The following DCDC2C variants were observed in gnomAD, a reference collection of about 807,000 sequenced individuals.
The protein encoded by DCDC2C is doublecortin domain containing 2C.
In DCDC2C, 44 loss-of-function variants were observed where a neutral mutation model predicts 45.0. That is an observed-to-expected ratio of 0.98 (90% confidence interval 0.77 to 1.26). The LOEUF is 1.26. Ranked by LOEUF, DCDC2C falls within the 50% of genes most tolerant of loss-of-function variation. The probability of loss-of-function intolerance (pLI) is 0.00; values close to 1 mark genes in which losing one functional copy is unlikely to be tolerated. For missense variants in DCDC2C, 447 were observed against 468.9 expected (o/e 0.95, Z 0.43); for synonymous variants, 187 against 178.8 (o/e 1.05, Z -0.37).
chr2:3,823,684 G>A (rs1326220154), intron 10 of DCDC2C, among the ~76,000 whole-genome samples: 4 of 151,994 alleles, frequency 2.6e-5, no homozygotes, highest in Middle Eastern at 3.4e-3. Flanking sequence ...TGTGTTGATA[G>A]TTTTTTTTCT....
chr2:3,816,671 G>A (rs1671566201), intron 10 of DCDC2C, among the ~76,000 whole-genome samples: 3 of 152,324 alleles, frequency 2.0e-5, no homozygotes, highest in South Asian at 2.1e-4. Context: ...GTATTGGAGT[G>A]TGCCCTGTCA....
At chr2:3,740,732 T>C (rs919107423) in intron 3 of DCDC2C, among the ~76,000 whole-genome samples, 1 of 152,228 alleles carries the variant, frequency 6.6e-6, no homozygotes, top group Non-Finnish European at 1.5e-5. Context: ...GAAGTTGGAC[T>C]CTGGGTTGAT....
chr2:3,771,800 G>A (rs780254861), intron 8 of DCDC2C, among the ~76,000 whole-genome samples: 9 of 152,350 alleles, frequency 5.9e-5, no homozygotes, highest in East Asian at 5.8e-4. Context: ...CGCCTGGCCC[G>A]TGCTGCCTGC....
At chr2:3,829,277 T>C (rs1671898236) in intron 10 of DCDC2C, among the ~76,000 whole-genome samples, 1 of 126,208 alleles carries the variant, frequency 7.9e-6, no homozygotes, top group Non-Finnish European at 1.7e-5. Flanking sequence ...TCATTAGATG[T>C]CTTTTTCTTT....
At chr2:3,749,761 C>T (rs1417157354) in intron 4 of DCDC2C, among the ~76,000 whole-genome samples, 2 of 152,312 alleles carry the variant, frequency 1.3e-5, no homozygotes, top group South Asian at 2.1e-4. Flanking sequence ...CCAAGTCCTG[C>T]GCTGAGCTAT....
chr2:3,773,531 T>G (rs565787709), intron 8 of DCDC2C, among the ~76,000 whole-genome samples: 1 of 152,320 alleles, frequency 6.6e-6, no homozygotes, highest in East Asian at 1.9e-4. Flanking sequence ...AAGGAATAAT[T>G]TTCTTACAAT....
chr2:3,765,404 A>G (rs1021051598), intron 6 of DCDC2C, among the ~76,000 whole-genome samples: 3 of 152,202 alleles, frequency 2.0e-5, no homozygotes, highest in Admixed American at 6.5e-5. Flanking sequence ...TTGGAGGATG[A>G]GCTGTCATAA....
chr2:3,771,363 C>T (rs1265412020), intron 8 of DCDC2C, among the ~76,000 whole-genome samples: 2 of 152,192 alleles, frequency 1.3e-5, no homozygotes, highest in Admixed American at 6.5e-5. Context: ...ACTTAATCAA[C>T]AGAGGCAAGG....
chr2:3,726,770 CG>C (rs1354200903), intron 2 of DCDC2C, among the ~76,000 whole-genome samples: 2 of 152,154 alleles, frequency 1.3e-5, no homozygotes, highest in Non-Finnish European at 2.9e-5. Flanking sequence ...CCATGTGCAG[CG>C]CAGAGCCCTC....
chr2:3,769,277 G>T, intron 7 of DCDC2C, 34 bp from the exon 8 acceptor site: 3 of 1,538,890 alleles, frequency 1.9e-6, no homozygotes, highest in Non-Finnish European at 2.6e-6. Flanking sequence ...TTCTCCATGG[G>T]TTTCAAAAGT....
chr2:3,707,226 A>G (rs570438476), intron 1 of DCDC2C, among the ~76,000 whole-genome samples: 1 of 152,306 alleles, frequency 6.6e-6, no homozygotes, highest in South Asian at 2.1e-4. Flanking sequence ...TTGGGAGTGC[A>G]ACATTGAAAT....
At chr2:3,775,680 A>G (rs111755743) in intron 8 of DCDC2C, among the ~76,000 whole-genome samples, 6 of 20,168 alleles carry the variant, frequency 3.0e-4, no homozygotes, top group African/African-American at 6.6e-4. Context: ...TGTGGCTCTG[A>G]GCTAGGCAGC....
chr2:3,703,584 C>A lies in DCDC2C; in HGVS notation c.-168C>A, dbSNP rs1294207494. On this transcript the variant is annotated 5_prime_UTR_variant, in exon 1 of 11. Transcript: ENST00000399143. This position sits in a 1 kb window ranked among gnomAD's most constrained non-coding sequence, Gnocchi z 4.4. The stretch of plus-strand genomic sequence containing the variant: ...CCTCCGCCCGCCTGGCAGCCCCGTC[C>A]CGTCCCCGTCCAGCCCCCGTCCCGT... 3.1e-6 allele frequency: 2 copies of A among 637,802 alleles called. No homozygotes were observed. The highest frequency in any genetic ancestry group is 4.3e-6 in the Non-Finnish European group (2 of 463,466). 39.5% of individuals were successfully genotyped at this position (637,802 alleles called of 1,614,324 possible). A position where few individuals can be genotyped will look rare whatever the true frequency, so the allele number is the denominator to read the frequency against.
At chr2:3,728,880 C>A (rs1381035192) in intron 3 of DCDC2C, among the ~76,000 whole-genome samples, 1 of 152,166 alleles carries the variant, frequency 6.6e-6, no homozygotes, top group Admixed American at 6.5e-5. Flanking sequence ...CCGGGGCTCC[C>A]CTGATGGGGT....
At position 3,703,916 on chromosome 2, in the gene DCDC2C, C is replaced by G. The variant is rs1572541403; in HGVS notation, c.165C>G (p.Asp55Glu). Residue 55 changes from aspartate (D) to glutamate (E), a missense_variant, in exon 1 of 11, where the codon GAC becomes GAG. Transcript: ENST00000399143. The surrounding 1 kb of genome is among the most constrained non-coding windows in gnomAD (Gnocchi z 4.4). ...TGGAGCAGCTCACGGAGCAGGTGGA[C>G]GTCCCGTTCGGCGTGCGCCGCCTCT... ...ALLEQLTEQV[D>E]VPFGVRRLFT... 7.5e-7 allele frequency: 1 copy of G among 1,340,408 alleles called. No individual in the cohort carries two copies. Among genetic ancestry groups the G allele is most frequent in the Non-Finnish European group, 9.6e-7 (1 of 1,042,038 alleles). The allele number at this position is 1,340,408 out of a possible 1,614,324, so 83.0% of individuals were successfully genotyped here. A position where few individuals can be genotyped will look rare whatever the true frequency, so the allele number is the denominator to read the frequency against.
At chr2:3,775,563 G>C (rs1268422100) in intron 8 of DCDC2C, among the ~76,000 whole-genome samples, 1 of 59,094 alleles carries the variant, frequency 1.7e-5, no homozygotes, top group Admixed American at 1.8e-4. Context: ...GGGCTAGGCA[G>C]CTGTGGCTCT....
intron 2 of DCDC2C, among the ~76,000 whole-genome samples, chr2:3,709,402 C>T (rs950807433): frequency 1.3e-5 from 2 of 152,226 alleles, no homozygotes; most frequent in East Asian, 1.9e-4. Context: ...AGCGGCTCTT[C>T]TCTGTGTCTT....
chr2:3,806,953 T>C (rs1331441354), intron 10 of DCDC2C, among the ~76,000 whole-genome samples: 1 of 152,118 alleles, frequency 6.6e-6, no homozygotes, highest in African/African-American at 2.4e-5. Context: ...CCTTGGTGAA[T>C]TCCTGGACTG....
At position 3,704,001 on chromosome 2, in the gene DCDC2C, T is replaced by C. The variant is rs1242598577; in HGVS notation, c.250T>C (p.Tyr84His). The C allele has an allele frequency of 1.6e-6, 2 of 1,288,452 alleles. No homozygotes were observed. The highest frequency in any genetic ancestry group is 2.0e-6 in the Non-Finnish European group (2 of 1,017,440). The allele number at this position is 1,288,452 out of a possible 1,614,324, so 79.8% of individuals were successfully genotyped here. Residue 84 changes from tyrosine (Y) to histidine (H), a missense_variant, in exon 1 of 11, where the codon TAC (tyrosine) becomes CAC (histidine). Coordinates refer to ENST00000399143, the MANE Select transcript of DCDC2C (RefSeq NM_001287444.2). ...GLDALQAGGK[Y>H]VAAGRERFKE... ...GGACGCGCTGCAGGCGGGCGGCAAGTACGTGGCGGCGGGCCGCGAGCGCTT... is the reference window on the plus strand; with the variant it reads ...GGACGCGCTGCAGGCGGGCGGCAAGCACGTGGCGGCGGGCCGCGAGCGCTT...
Sources: allele counts gnomAD v4.1 joint callset (sites outside exome capture counted in the v4.1 genomes callset), GRCh38; gene constraint gnomAD v4.1.1; non-coding constraint Gnocchi (gnomAD v3.1); transcripts MANE v1.5; gene names NCBI Gene and HGNC (gene_info 2026-07-23, HGNC 2026-07-21).